The following ZC3H18 variants were observed in gnomAD, a reference collection of about 807,000 sequenced individuals.
The protein encoded by ZC3H18 is zinc finger CCCH domain-containing protein 18.
ZC3H18 carries 8 observed loss-of-function variants against 106.1 expected under a neutral mutation model. The observed-to-expected ratio is 0.08, with a 90% CI of 0.04 to 0.14. The LOEUF (loss-of-function observed/expected upper bound fraction) is 0.14, where lower values mean the gene tolerates loss of function less well. ZC3H18 is among the 10% of genes least tolerant of loss of function. The pLI is 1.00. For missense variants in ZC3H18, 1,318 were observed against 1,278.4 expected, an observed-to-expected ratio of 1.03 and a Z score of -0.47; for synonymous variants, 635 against 522.1, an observed-to-expected ratio of 1.22 and a Z score of -2.95.
At chr16:88,623,798 T>A in intron 10 of ZC3H18, 160 bp from the exon 11 acceptor site, 1 of 1,345,116 alleles carries the variant, frequency 7.4e-7, no homozygotes, top group Non-Finnish European at 9.8e-7. Flanking sequence ...GGGCCTGTGT[T>A]TTTAGCAGAT....
intron 10 of ZC3H18, chr16:88,623,725 C>T (rs1213629491): frequency 2.9e-6 from 2 of 678,400 alleles, no homozygotes; most frequent in East Asian, 3.0e-5. Flanking sequence ...ATGAACGTGA[C>T]ACTCGCCTCC....
intron 9 of ZC3H18, 55 bp downstream of exon 9, chr16:88,622,443 ACAC>A: frequency 2.6e-6 from 4 of 1,517,294 alleles, no homozygotes; most frequent in Admixed American, 2.0e-5. Flanking sequence ...CCGTCAGCTG[ACAC>A]CATGTACCTC....
intron 6 of ZC3H18, among the ~76,000 whole-genome samples, chr16:88,600,483 G>A (rs911492726): frequency 1.3e-5 from 2 of 152,162 alleles, no homozygotes; most frequent in Non-Finnish European, 2.9e-5. Flanking sequence ...CGCAATCTTG[G>A]CTCACTGCAA....
At chr16:88,610,848 C>T (rs1905236482) in intron 7 of ZC3H18, among the ~76,000 whole-genome samples, 1 of 152,208 alleles carries the variant, frequency 6.6e-6, no homozygotes, top group African/African-American at 2.4e-5. Context: ...ATGGACTTGC[C>T]CAGGCCACAC....
chr16:88,631,628 T>C lies in ZC3H18; in HGVS notation c.*329T>C. On this transcript the variant is annotated 3_prime_UTR_variant, in exon 18 of 18. Transcript: ENST00000301011. ...TCTTCCCTGGCCCTGGTCAGGCCTG[T>C]GGAGCCCCAGCTCTGGGTCCCTAGC... 1 of 480,812 alleles carries C rather than the reference T, an allele frequency of 2.1e-6. No individual in the cohort carries two copies. 29.8% of individuals were successfully genotyped at this position (480,812 alleles called of 1,614,324 possible).
intron 8 of ZC3H18, among the ~76,000 whole-genome samples, chr16:88,621,172 G>A (rs892679372): frequency 6.6e-6 from 1 of 152,004 alleles, no homozygotes; most frequent in Non-Finnish European, 1.5e-5. Context: ...AGCTTCCCAA[G>A]TAGCTGGGAT....
intron 1 of ZC3H18, among the ~76,000 whole-genome samples, chr16:88,573,760 G>C (rs1264978813): frequency 6.6e-6 from 1 of 151,892 alleles, no homozygotes; most frequent in Non-Finnish European, 1.5e-5. Context: ...TCTCTGGATA[G>C]TAACCGAATA....
At chr16:88,590,954 A>T (rs949030896) in intron 3 of ZC3H18, among the ~76,000 whole-genome samples, 8 of 144,768 alleles carry the variant, frequency 5.5e-5, no homozygotes, top group African/African-American at 7.7e-5. Flanking sequence ...CTAATTTTTT[A>T]AAATTGTGGT....
intron 16 of ZC3H18, among the ~76,000 whole-genome samples, chr16:88,629,954 C>T (rs1364536680): frequency 6.6e-6 from 1 of 152,230 alleles, no homozygotes; most frequent in Non-Finnish European, 1.5e-5. Flanking sequence ...AGGGCCTGTG[C>T]CCTGTGTGGC....
intron 2 of ZC3H18, 110 bp from the exon 3 acceptor site, chr16:88,586,490 T>C: frequency 1.1e-6 from 1 of 875,110 alleles, no homozygotes; most frequent in South Asian, 1.4e-5. Context: ...ATTCAATTCC[T>C]GTGACAATAT....
chr16:88,627,406 A>C lies in ZC3H18; in HGVS notation c.2109-216A>C, dbSNP rs944929521. ...GCGTGAGCAGCCGTGCCTGGCTGCA[A>C]CCTGACATTGATTAGTGAAATGGGG... On this transcript the variant is annotated intron_variant, in intron 13 of 17. Coordinates refer to ENST00000301011, the MANE Select transcript of ZC3H18 (RefSeq NM_144604.4). The surrounding 1 kb of genome is among the most constrained non-coding windows in gnomAD (Gnocchi z 4.5). 4.9e-5 allele frequency: 26 copies of C among 533,788 alleles called. No homozygotes were observed. Among genetic ancestry groups the C allele is most frequent in the Middle Eastern group, 1.0e-3 (2 of 2,006 alleles). 33.1% of individuals were successfully genotyped at this position (533,788 alleles called of 1,614,324 possible).
rs377608902 is a variant in ZC3H18 at position 88,631,322 on chromosome 16, C to A, written c.*23C>A. ...TAGGCCGTGCCCCGACCGGACTGGA[C>A]GCATTTTTATACATAGGGTAAGCGC... On this transcript the variant is annotated 3_prime_UTR_variant, in exon 18 of 18. Transcript: ENST00000301011. The A allele has an allele frequency of 4.0e-5, 62 of 1,556,312 alleles. 1 individual carries two copies. In the South Asian group the frequency reaches 7.1e-4, roughly 18 times the overall value.
chr16:88,570,506 T>C lies in ZC3H18; in HGVS notation c.-75T>C, dbSNP rs2142498951. 6.6e-6 allele frequency: 1 copy of C among 151,940 alleles called. No individual in the cohort carries two copies. Among genetic ancestry groups the C allele is most frequent in the African/African-American group, 2.4e-5 (1 of 41,424 alleles). The allele number at this position is 151,940 out of a possible 1,614,324, so 9.4% of individuals were successfully genotyped here. ...TGAAGAGCGGAAGGGCCAAGGGACG[T>C]CTTCTCCACGCCGCTCCGACTCCAG... On this transcript the variant is annotated 5_prime_UTR_variant, in exon 1 of 18. Coordinates refer to ENST00000301011, the MANE Select transcript of ZC3H18 (RefSeq NM_144604.4).
intron 16 of ZC3H18, 142 bp from the exon 17 acceptor site, chr16:88,630,343 C>G (rs568131495): frequency 1.6e-6 from 1 of 631,320 alleles, no homozygotes; most frequent in Non-Finnish European, 2.7e-6. Context: ...TGGCTCTCCC[C>G]TTTTTATTTC....
chr16:88,628,925 A>C (rs1325628595), intron 16 of ZC3H18, 71 bp downstream of exon 16: 5 of 1,506,786 alleles, frequency 3.3e-6, no homozygotes, highest in Non-Finnish European at 4.6e-6. Flanking sequence ...GCTGGGTCTG[A>C]GACCCCATTG....
chr16:88,630,392 C>A, intron 16 of ZC3H18, 93 bp from the exon 17 acceptor site: 2 of 951,938 alleles, frequency 2.1e-6, no homozygotes, highest in Non-Finnish European at 3.3e-6. Flanking sequence ...CAGCCTCAGG[C>A]TTTAGAAGTG....
At chr16:88,584,878 C>G (rs1374103664) in intron 2 of ZC3H18, among the ~76,000 whole-genome samples, 1 of 152,180 alleles carries the variant, frequency 6.6e-6, no homozygotes, top group Non-Finnish European at 1.5e-5. Flanking sequence ...ACCCTTCTCA[C>G]CACCTCATCT....
chr16:88,623,811 C>T, intron 10 of ZC3H18, 147 bp from the exon 11 acceptor site: 1 of 1,382,508 alleles, frequency 7.2e-7, no homozygotes, highest in South Asian at 1.7e-5. Context: ...TAGCAGATGA[C>T]AGAACAGTCC....
At chr16:88,582,904 C>A (rs1196176954) in intron 2 of ZC3H18, among the ~76,000 whole-genome samples, 2 of 152,176 alleles carry the variant, frequency 1.3e-5, no homozygotes, top group Non-Finnish European at 2.9e-5. Flanking sequence ...TCGCAGGCTA[C>A]CGTTTTAGAC....
Sources: allele counts gnomAD v4.1 joint callset (sites outside exome capture counted in the v4.1 genomes callset), GRCh38; gene constraint gnomAD v4.1.1; non-coding constraint Gnocchi (gnomAD v3.1); transcripts MANE v1.5; gene names NCBI Gene and HGNC (gene_info 2026-07-23, HGNC 2026-07-21).